The following NSD1 variants were observed in gnomAD, a reference collection of about 807,000 sequenced individuals.
NSD1 encodes the protein histone-lysine N-methyltransferase, H3 lysine-36 specific.
In NSD1, 26 loss-of-function variants were observed where a neutral mutation model predicts 242.7. The observed-to-expected ratio is 0.11, with a 90% CI of 0.08 to 0.15. NSD1 has a LOEUF of 0.15. Among genes scored for constraint, NSD1 ranks in the 10% least tolerant of loss-of-function variants. The pLI, the probability that NSD1 is intolerant of heterozygous loss-of-function variation, is 1.00. For synonymous variants in NSD1, 1,106 were observed against 1,178.1 expected, an observed-to-expected ratio of 0.94 and a Z score of 1.25; for missense variants, 2,495 against 3,272.8, an observed-to-expected ratio of 0.76 and a Z score of 5.80.
In NSD1 at chr5:177,283,337, A is replaced by C. The variant is rs564086115; in HGVS notation, c.6010-450A>C. ...GTGCACTAGGATTTGTGAGATCTTCACTTCCAGATATTCTGATCTTACTTT... is the reference window on the plus strand; with the variant it reads ...GTGCACTAGGATTTGTGAGATCTTCCCTTCCAGATATTCTGATCTTACTTT... On this transcript the variant is annotated intron_variant, in intron 19 of 22. Transcript: ENST00000439151. Among the ~76,000 whole-genome samples the C allele has an allele frequency of 7.2e-5, 11 of 152,080 alleles. No individual in the cohort carries two copies. In the East Asian group the frequency reaches 2.1e-3, roughly 29 times the overall value.
intron 13 of NSD1, among the ~76,000 whole-genome samples, chr5:177,259,283 C>T (rs930363624): frequency 5.3e-5 from 8 of 152,108 alleles, no homozygotes. Context: ...ATTTCCTGGC[C>T]TCATGGGTCT....
chr5:177,184,831 C>G (rs1249675289), intron 2 of NSD1, among the ~76,000 whole-genome samples: 1 of 152,116 alleles, frequency 6.6e-6, no homozygotes, highest in Non-Finnish European at 1.5e-5. Flanking sequence ...GCCACCACGC[C>G]TGGCCTTTTC....
intron 14 of NSD1, among the ~76,000 whole-genome samples, chr5:177,264,358 C>A (rs1354630063): frequency 1.3e-5 from 2 of 152,086 alleles, no homozygotes; most frequent in Non-Finnish European, 2.9e-5. Flanking sequence ...GTTTCAGTTT[C>A]CACATTGCAA....
intron 2 of NSD1, among the ~76,000 whole-genome samples, chr5:177,160,611 C>T (rs533912312): frequency 1.3e-5 from 2 of 152,050 alleles, no homozygotes; most frequent in East Asian, 1.9e-4. Flanking sequence ...CCTGCAATTA[C>T]TTCTTAAGTT....
rs1198317626 is a variant in NSD1 at position 177,294,377 on chromosome 5, A to C, written c.7009A>C (p.Thr2337Pro). 5 of 1,614,048 alleles carry C rather than the reference A, an allele frequency of 3.1e-6. No homozygotes were observed. The highest frequency in any genetic ancestry group is 4.2e-6 in the Non-Finnish European group (5 of 1,180,034). Residue 2337 changes from threonine to proline, a missense_variant, in exon 23 of 23, where the codon ACC becomes CCC. By Grantham distance (38) the Thr-to-Pro change is conservative. Around this residue, in one of 19 missense-constraint regions of NSD1, gnomAD observed 475 missense variants for 563.7 expected, o/e 0.84. Transcript: ENST00000439151. ...PQLSDKPSPV[T>P]SPSSSPSVRS... ...GCTAAGCGACAAACCCTCTCCAGTG[A>C]CCAGCCCAAGCTCCTCACCCTCAGT...
chr5:177,140,879 C>T (rs1273655593), intron 2 of NSD1, among the ~76,000 whole-genome samples: 1 of 152,064 alleles, frequency 6.6e-6, no homozygotes, highest in East Asian at 1.9e-4. Flanking sequence ...AAAAATGATT[C>T]CTCAGAGGTT....
At chr5:177,248,382 C>T in intron 11 of NSD1, 58 bp downstream of exon 11, 1 of 1,557,018 alleles carries the variant, frequency 6.4e-7, no homozygotes, top group Non-Finnish European at 8.8e-7. Context: ...AAAGGGAAAC[C>T]CACTCCATCT....
rs1581363113 is a variant in NSD1 at position 177,221,799 on chromosome 5, T to C, written c.3796+9604T>C. ...AACTCATATTTCCCCTTCCCCACTTTGTTGTTGTTTTTGTTTTTTCTTTTT... is the reference window on the plus strand; with the variant it reads ...AACTCATATTTCCCCTTCCCCACTTCGTTGTTGTTTTTGTTTTTTCTTTTT... On this transcript the variant is annotated intron_variant, in intron 5 of 22. Coordinates refer to ENST00000439151, the MANE Select transcript of NSD1 (RefSeq NM_022455.5). Among the ~76,000 whole-genome samples the C allele has an allele frequency of 2.6e-5, 4 of 151,504 alleles. No homozygotes were observed. The South Asian group carries it at 6.3e-4, about 24-fold the overall frequency.
chr5:177,163,599 T>C (rs1453926626), intron 2 of NSD1, among the ~76,000 whole-genome samples: 1 of 152,140 alleles, frequency 6.6e-6, no homozygotes, highest in East Asian at 1.9e-4. Flanking sequence ...GTTTTGAAAA[T>C]TAATTCCTAG....
chr5:177,173,248 C>T (rs1277479523), intron 2 of NSD1, among the ~76,000 whole-genome samples: 1 of 142,392 alleles, frequency 7.0e-6, no homozygotes, highest in Non-Finnish European at 1.5e-5. Context: ...GCCGAGATAG[C>T]GCCACTGCAC....
chr5:177,166,687 T>C (rs1759230849), intron 2 of NSD1, among the ~76,000 whole-genome samples: 1 of 151,908 alleles, frequency 6.6e-6, no homozygotes. Context: ...AATTTTCTTA[T>C]AAAAGTTTTG....
Position 177,211,498 on chromosome 5 carries a change from T to G in NSD1, c.3099T>G (p.Ala1033=). The G allele has an allele frequency of 6.2e-7, 1 of 1,614,080 alleles. No homozygotes were observed. Among genetic ancestry groups the G allele is most frequent in the East Asian group, 2.2e-5 (1 of 44,888 alleles). The change falls in exon 5 of 23, where the codon GCT becomes GCG. Residue 1033 remains alanine (A), a synonymous_variant. Coordinates refer to ENST00000439151, the MANE Select transcript of NSD1 (RefSeq NM_022455.5). ...RSKPSSKLRD[A]FSAQMVKNTV... is the part of the protein sequence containing the mutation. The stretch of plus-strand genomic sequence containing the variant: ...AGCCTTCATCCAAATTGCGAGATGC[T>G]TTTTCAGCCCAAATGGTAAAGAACA...
chr5:177,194,022 A>G (rs1761905611), intron 3 of NSD1, among the ~76,000 whole-genome samples: 1 of 151,864 alleles, frequency 6.6e-6, no homozygotes, highest in Non-Finnish European at 1.5e-5. Context: ...AGTGAACCAC[A>G]GGTCTTGGCC....
chr5:177,234,589 G>A (rs1387074339), intron 5 of NSD1, among the ~76,000 whole-genome samples: 2 of 152,050 alleles, frequency 1.3e-5, no homozygotes, highest in Admixed American at 6.6e-5. Flanking sequence ...GGTGGCAGGC[G>A]CCTGTAATCC....
chr5:177,259,266 T>A (rs1756792835), intron 13 of NSD1, among the ~76,000 whole-genome samples: 1 of 152,262 alleles, frequency 6.6e-6, no homozygotes, highest in South Asian at 2.1e-4. Context: ...GTACCTTTTT[T>A]AGGATTATTT....
chr5:177,290,117 T>C (rs62397238), intron 21 of NSD1, among the ~76,000 whole-genome samples: 35,157 of 150,558 alleles, frequency 0.23, 5,450 homozygotes, highest in Middle Eastern at 0.36. Context: ...CGTGAGCCAC[T>C]GTGCCCGGCC....
intron 2 of NSD1, among the ~76,000 whole-genome samples, chr5:177,171,923 T>TA (rs1322166000): frequency 6.6e-6 from 1 of 152,254 alleles, no homozygotes; most frequent in African/African-American, 2.4e-5. Flanking sequence ...GGTGTGCAAA[T>TA]ATCTGTTTGA....
chr5:177,159,630 T>C (rs892240380), intron 2 of NSD1, among the ~76,000 whole-genome samples: 2 of 145,966 alleles, frequency 1.4e-5, no homozygotes, highest in African/African-American at 5.1e-5. Flanking sequence ...AGTTTCGCTC[T>C]TGTTGCCCAG....
rs1410506002 is a variant in NSD1 at position 177,214,261 on chromosome 5, GGTGGAGGTTGCAGTGA to G, written c.3796+2084_3796+2099del. 5.3e-5 allele frequency among the ~76,000 whole-genome samples: 8 copies of G among 152,164 alleles called. No individual in the cohort carries two copies. In the South Asian group the frequency reaches 6.2e-4, roughly 12 times the overall value. On this transcript the variant is annotated intron_variant, in intron 5 of 22. Coordinates refer to ENST00000439151, the MANE Select transcript of NSD1 (RefSeq NM_022455.5). The stretch of plus-strand genomic sequence containing the variant: ...GTAGGAGAATCACTTGAACCCGGGA[GGTGGAGGTTGCAGTGA>G]GTGGAGGTTGCAGTGAGCTGAGATT...
Sources: allele counts gnomAD v4.1 joint callset (sites outside exome capture counted in the v4.1 genomes callset), GRCh38; gene constraint gnomAD v4.1.1; regional missense constraint gnomAD v4.1.1; transcripts MANE v1.5; gene names NCBI Gene and HGNC (gene_info 2026-07-23, HGNC 2026-07-21).